The following GPC6 variants were observed in gnomAD, a reference collection of about 807,000 sequenced individuals.
The protein encoded by GPC6 is glypican 6, also known as glypican-6.
GPC6 carries 14 observed loss-of-function variants against 55.2 expected under a neutral mutation model. The ratio of observed to expected loss-of-function variants is 0.25; its 90% CI spans 0.17 to 0.40. GPC6 has a LOEUF of 0.40. Among genes scored for constraint, GPC6 ranks in the 10% least tolerant of loss-of-function variants. The pLI, the probability that GPC6 is intolerant of heterozygous loss-of-function variation, is 1.00. For synonymous variants in GPC6, 278 were observed against 259.6 expected, an observed-to-expected ratio of 1.07 and a Z score of -0.68; for missense variants, 641 against 708.5, an observed-to-expected ratio of 0.90 and a Z score of 1.08.
At chr13:93,769,702 A>G (rs1196014013) in intron 2 of GPC6, among the ~76,000 whole-genome samples, 1 of 152,176 alleles carries the variant, frequency 6.6e-6, no homozygotes, top group Non-Finnish European at 1.5e-5. Context: ...GTGGCTTGGC[A>G]CCTCAACCAG....
intron 4 of GPC6, among the ~76,000 whole-genome samples, chr13:94,034,366 T>G (rs1883261499): frequency 6.6e-6 from 1 of 152,160 alleles, no homozygotes; most frequent in South Asian, 2.1e-4. Flanking sequence ...GTGAAAGTGT[T>G]TTTATGTGAT....
intron 2 of GPC6, among the ~76,000 whole-genome samples, chr13:93,697,835 C>T (rs191378383): frequency 1.3e-5 from 2 of 152,188 alleles, no homozygotes; most frequent in South Asian, 4.2e-4. Context: ...ATCAACTATC[C>T]CTTTTCTTAT....
At chr13:94,098,000 A>G (rs1885727034) in intron 4 of GPC6, among the ~76,000 whole-genome samples, 1 of 152,194 alleles carries the variant, frequency 6.6e-6, no homozygotes, top group Non-Finnish European at 1.5e-5. Flanking sequence ...ATGAGAAACA[A>G]CTAAAAGCAC....
intron 3 of GPC6, among the ~76,000 whole-genome samples, chr13:93,916,035 C>T (rs1007524765): frequency 1.3e-5 from 2 of 151,920 alleles, no homozygotes; most frequent in Non-Finnish European, 2.9e-5. Context: ...AAGTGTTTTC[C>T]CTGGGAGTCC....
chr13:93,762,430 T>G (rs142524163), intron 2 of GPC6, among the ~76,000 whole-genome samples: 60 of 152,264 alleles, frequency 3.9e-4, no homozygotes, highest in Non-Finnish European at 7.4e-4. Context: ...TATGAATCAA[T>G]AAATGCTTCT....
chr13:93,986,631 T>C (rs1881045161), intron 3 of GPC6, among the ~76,000 whole-genome samples: 2 of 152,154 alleles, frequency 1.3e-5, no homozygotes, highest in South Asian at 4.1e-4. Flanking sequence ...CTTTGAATAT[T>C]TTCCCTCTTA....
chr13:93,329,543 C>G (rs187718092), intron 1 of GPC6, among the ~76,000 whole-genome samples: 152 of 152,260 alleles, frequency 1.0e-3, no homozygotes, highest in Non-Finnish European at 1.9e-3. Flanking sequence ...TTTATGTTAT[C>G]TCCTAAAGTT....
rs1878590030 is a variant in GPC6 at position 93,459,224 on chromosome 13, A to T, written c.161-86039A>T. On this transcript the variant is annotated intron_variant, in intron 1 of 8. Transcript: ENST00000377047. ...CAGGCATGGGCCACCACACCCAGCC[A>T]ATTTTATATTTTCCAATTTTTTGTA... Among the ~76,000 whole-genome samples, 4 of 152,124 alleles carry T rather than the reference A, an allele frequency of 2.6e-5. No individual in the cohort carries two copies. The South Asian group carries it at 8.3e-4, about 32-fold the overall frequency.
chr13:94,275,763 A>C (rs952247242), intron 4 of GPC6, among the ~76,000 whole-genome samples: 2 of 152,138 alleles, frequency 1.3e-5, no homozygotes, highest in Non-Finnish European at 2.9e-5. Flanking sequence ...CAGTAAAATA[A>C]ATAGACAAAG....
intron 2 of GPC6, among the ~76,000 whole-genome samples, chr13:93,693,666 T>A (rs1882344881): frequency 6.6e-6 from 1 of 152,112 alleles, no homozygotes; most frequent in Non-Finnish European, 1.5e-5. Flanking sequence ...TTATATTTTT[T>A]GGTAGACACA....
At chr13:93,952,069 C>T (rs1879277218) in intron 3 of GPC6, among the ~76,000 whole-genome samples, 1 of 152,022 alleles carries the variant, frequency 6.6e-6, no homozygotes, top group African/African-American at 2.4e-5. Flanking sequence ...ATTAATAGTA[C>T]CATTTCAGTT....
intron 1 of GPC6, among the ~76,000 whole-genome samples, chr13:93,452,171 T>G (rs1053801457): frequency 6.6e-6 from 1 of 152,158 alleles, no homozygotes; most frequent in Non-Finnish European, 1.5e-5. Flanking sequence ...CCTATTTGCT[T>G]TTAGAAAAAA....
chr13:93,986,492 T>C (rs1187171994), intron 3 of GPC6, among the ~76,000 whole-genome samples: 5 of 152,142 alleles, frequency 3.3e-5, no homozygotes, highest in African/African-American at 1.2e-4. Flanking sequence ...GGAAAAAACA[T>C]TGCAGATATT....
At chr13:93,807,983 G>T (rs1239948741) in intron 2 of GPC6, among the ~76,000 whole-genome samples, 2 of 152,256 alleles carry the variant, frequency 1.3e-5, no homozygotes, top group Admixed American at 1.3e-4. Context: ...TTATGAGTCT[G>T]ACTTAATGAA....
intron 1 of GPC6, among the ~76,000 whole-genome samples, chr13:93,259,441 T>A (rs1206386901): frequency 1.3e-5 from 2 of 152,172 alleles, no homozygotes; most frequent in Non-Finnish European, 2.9e-5. Context: ...GCATTCATTT[T>A]TTTCTCAGGA....
At chr13:93,701,656 A>G (rs1188908473) in intron 2 of GPC6, among the ~76,000 whole-genome samples, 3 of 152,026 alleles carry the variant, frequency 2.0e-5, no homozygotes, top group Admixed American at 1.3e-4. Context: ...ACTTCTTCAA[A>G]CCCTGCCACC....
At chr13:93,469,276 C>T (rs1879025335) in intron 1 of GPC6, among the ~76,000 whole-genome samples, 1 of 152,004 alleles carries the variant, frequency 6.6e-6, no homozygotes, top group Non-Finnish European at 1.5e-5. Context: ...TAACTGTCTA[C>T]TTCAAGTGGT....
At position 93,449,892 on chromosome 13, in the gene GPC6, T is replaced by G. The variant is rs118173667; in HGVS notation, c.161-95371T>G. ...TTTTCCAAAAAGAACTTCCCTGCTT[T>G]GATGAACTTCATCCACTTAATCATG... is the stretch of plus-strand genomic sequence containing the variant. On this transcript the variant is annotated intron_variant, in intron 1 of 8. Coordinates refer to ENST00000377047, the MANE Select transcript of GPC6 (RefSeq NM_005708.5). 7.8e-3 allele frequency among the ~76,000 whole-genome samples: 1,182 copies of G among 152,094 alleles called. 17 individuals carry two copies. Among genetic ancestry groups the G allele is most frequent in the Middle Eastern group, 0.034 (10 of 294 alleles).
chr13:94,317,874 C>T (rs1876619670), intron 6 of GPC6, among the ~76,000 whole-genome samples: 1 of 151,720 alleles, frequency 6.6e-6, no homozygotes, highest in Admixed American at 6.6e-5. Context: ...CATGTGTGTG[C>T]ATGTGTGTGT....
Sources: gnomAD v4.1 joint callset for allele counts (sites outside exome capture counted in the v4.1 genomes callset) on GRCh38, gnomAD v4.1.1 for gene constraint, MANE v1.5 for transcripts, NCBI Gene and HGNC (gene_info 2026-07-23, HGNC 2026-07-21) for gene names.